The following GRIK2 variants were observed in gnomAD, a reference collection of about 807,000 sequenced individuals.
GRIK2 encodes glutamate receptor ionotropic, kainate 2.
Under a neutral mutation model 100.3 loss-of-function variants are expected in GRIK2, and 32 were observed. That is an observed-to-expected ratio of 0.32 (90% CI 0.24 to 0.43). The LOEUF (loss-of-function observed/expected upper bound fraction) is 0.43. Among genes scored for constraint, GRIK2 ranks in the 20% least tolerant of loss-of-function variants. GRIK2 has a pLI of 1.00. For missense variants in GRIK2, 843 were observed against 1,114.9 expected, an observed-to-expected ratio of 0.76 and a Z score of 3.47; for synonymous variants, 417 against 389.4, an observed-to-expected ratio of 1.07 and a Z score of -0.83.
At chr6:101,655,539 C>T (rs1048933517) in intron 4 of GRIK2, among the ~76,000 whole-genome samples, 21 of 151,788 alleles carry the variant, frequency 1.4e-4, no homozygotes, top group African/African-American at 4.4e-4. Context: ...TTTTCCTGTA[C>T]GAAGAAAAAA....
intron 10 of GRIK2, 71 bp downstream of exon 10, chr6:101,818,554 A>T (rs1172501745): frequency 1.2e-5 from 10 of 826,846 alleles, no homozygotes; most frequent in Non-Finnish European, 1.6e-5. Context: ...AAAGGACATT[A>T]TAATTGGAAC....
At chr6:101,645,260 C>T (rs903552109) in intron 4 of GRIK2, among the ~76,000 whole-genome samples, 2 of 151,618 alleles carry the variant, frequency 1.3e-5, no homozygotes, top group East Asian at 3.9e-4. Context: ...TACAAAGAAG[C>T]TTAATTCATC....
chr6:101,819,369 G>A (rs1338827165), intron 10 of GRIK2, among the ~76,000 whole-genome samples: 1 of 152,090 alleles, frequency 6.6e-6, no homozygotes, highest in African/African-American at 2.4e-5. Context: ...ATATATTCTT[G>A]CCCCTTTAGT....
At chr6:102,040,833 C>T (rs558473662) in intron 15 of GRIK2, among the ~76,000 whole-genome samples, 41 of 151,710 alleles carry the variant, frequency 2.7e-4, no homozygotes, top group African/African-American at 9.6e-4. Flanking sequence ...ATACATTTGT[C>T]TTCATTAGTT....
chr6:101,449,085 A>T (rs1032656264), intron 2 of GRIK2, among the ~76,000 whole-genome samples: 1 of 151,632 alleles, frequency 6.6e-6, no homozygotes, highest in African/African-American at 2.4e-5. Context: ...AGTAAAGAAA[A>T]TTGACAAAAG....
intron 4 of GRIK2, among the ~76,000 whole-genome samples, chr6:101,641,665 C>T (rs887171077): frequency 1.4e-4 from 21 of 151,784 alleles, no homozygotes; most frequent in Non-Finnish European, 2.8e-4. Flanking sequence ...TAGGAAATAA[C>T]CTAGCAAAGA....
At position 101,788,942 on chromosome 6, in the gene GRIK2, T is replaced by C. The variant is rs535721992; in HGVS notation, c.952-10706T>C. Among the ~76,000 whole-genome samples the C allele has an allele frequency of 2.0e-5, 3 of 152,310 alleles. No individual in the cohort carries two copies. The South Asian group carries it at 6.2e-4, about 32-fold the overall frequency. ...ATGGTATCTCATTGTGATTTTGATT[T>C]GCATATCTCTGATGGCCAGTGATGA... On this transcript the variant is annotated intron_variant, in intron 7 of 16. Coordinates refer to ENST00000369134, the MANE Select transcript of GRIK2 (RefSeq NM_021956.5).
intron 2 of GRIK2, among the ~76,000 whole-genome samples, chr6:101,584,123 T>C: frequency 6.6e-6 from 1 of 152,098 alleles, no homozygotes; most frequent in South Asian, 2.1e-4. Flanking sequence ...AATATGATTA[T>C]AACATTTTGA....
chr6:101,871,158 A>C (rs927233062), intron 11 of GRIK2, among the ~76,000 whole-genome samples: 9 of 151,836 alleles, frequency 5.9e-5, no homozygotes, highest in Non-Finnish European at 8.8e-5. Flanking sequence ...TCAGCATGTG[A>C]AGAAAAAGTC....
chr6:101,400,724 C>G (rs977938404), intron 2 of GRIK2, among the ~76,000 whole-genome samples: 1 of 152,142 alleles, frequency 6.6e-6, no homozygotes, highest in Non-Finnish European at 1.5e-5. Context: ...CTTTGTAGAA[C>G]AAAGGTAGGG....
At chr6:101,874,671 T>G (rs1785685262) in intron 11 of GRIK2, among the ~76,000 whole-genome samples, 1 of 152,162 alleles carries the variant, frequency 6.6e-6, no homozygotes, top group Non-Finnish European at 1.5e-5. Flanking sequence ...GCATTGAATC[T>G]ATAAATTACC....
At chr6:102,022,734 C>T (rs188297216) in intron 14 of GRIK2, among the ~76,000 whole-genome samples, 3 of 151,414 alleles carry the variant, frequency 2.0e-5, no homozygotes, top group Admixed American at 1.3e-4. Flanking sequence ...TGCCATTGTA[C>T]CTTCATCACT....
At chr6:101,893,016 A>G (rs1206964834) in intron 12 of GRIK2, among the ~76,000 whole-genome samples, 2 of 151,360 alleles carry the variant, frequency 1.3e-5, no homozygotes, top group Non-Finnish European at 3.0e-5. Context: ...GAAGTTTGTG[A>G]CATGCAAAGG....
At chr6:101,397,942 T>C (rs1562108571) in intron 1 of GRIK2, among the ~76,000 whole-genome samples, 1 of 152,070 alleles carries the variant, frequency 6.6e-6, no homozygotes, top group East Asian at 1.9e-4. Flanking sequence ...TTTTAATAAA[T>C]AGACAGAATA....
chr6:101,955,616 C>CTCTCTCTCTCTCTCTCTCT lies in GRIK2; in HGVS notation c.2085+26984_2085+26985insTCTCTCTCTCTCTCTCTCT, dbSNP rs1554292263. Among the ~76,000 whole-genome samples the CTCTCTCTCTCTCTCTCTCT allele has an allele frequency of 4.6e-4, 63 of 135,570 alleles. 2 individuals are homozygous for CTCTCTCTCTCTCTCTCTCT. The highest frequency in any genetic ancestry group is 4.3e-3 in the Middle Eastern group (1 of 232). The allele number at this position is 135,570 out of a possible 152,430, so 88.9% of individuals were successfully genotyped here. On this transcript the variant is annotated intron_variant, in intron 14 of 16. Coordinates refer to ENST00000369134, the MANE Select transcript of GRIK2 (RefSeq NM_021956.5). ...TCTCTCTCTCTCTCTCTCTCTCTCT[C>CTCTCTCTCTCTCTCTCTCT]CCCCCCATTTCTTTTACAGTCAGAT...
intron 7 of GRIK2, among the ~76,000 whole-genome samples, chr6:101,703,165 T>C (rs949680267): frequency 3.3e-5 from 5 of 151,784 alleles, no homozygotes; most frequent in African/African-American, 1.2e-4. Context: ...GGTGAAAGGA[T>C]TGTAGAATAA....
At chr6:101,681,908 T>C (rs1478915160) in intron 5 of GRIK2, among the ~76,000 whole-genome samples, 1 of 152,220 alleles carries the variant, frequency 6.6e-6, no homozygotes, top group Non-Finnish European at 1.5e-5. Context: ...CATGGACACT[T>C]GTTATAACTA....
chr6:101,763,650 A>G (rs983293051), intron 7 of GRIK2, among the ~76,000 whole-genome samples: 1 of 152,200 alleles, frequency 6.6e-6, no homozygotes, highest in East Asian at 1.9e-4. Flanking sequence ...ATTTGGCCAG[A>G]TGAAATAGTA....
intron 2 of GRIK2, among the ~76,000 whole-genome samples, chr6:101,513,911 A>T (rs1159917423): frequency 6.6e-6 from 1 of 152,186 alleles, no homozygotes; most frequent in African/African-American, 2.4e-5. Context: ...AATGAAAGTG[A>T]AAGTTAGTAC....
Sources: allele counts gnomAD v4.1 joint callset (sites outside exome capture counted in the v4.1 genomes callset), GRCh38; gene constraint gnomAD v4.1.1; transcripts MANE v1.5; gene names NCBI Gene and HGNC (gene_info 2026-07-23, HGNC 2026-07-21).